Variants in STAG1 observed in about 807,000 individuals in gnomAD.
STAG1 encodes the protein cohesin subunit SA-1.
A neutral mutation model predicts 170.9 loss-of-function variants in STAG1; 26 were observed. The observed-to-expected ratio is 0.15, with a 90% CI of 0.11 to 0.21. The LOEUF (loss-of-function observed/expected upper bound fraction) is 0.21. STAG1 is among the 10% of genes least tolerant of loss of function. STAG1 has a pLI of 1.00. For missense variants in STAG1, 964 were observed against 1,509.5 expected, an observed-to-expected ratio of 0.64 and a Z score of 5.99; for synonymous variants, 514 against 497.7, an observed-to-expected ratio of 1.03 and a Z score of -0.44.
chr3:136,537,772 A>G (rs1935709467), intron 6 of STAG1, among the ~76,000 whole-genome samples: 1 of 152,134 alleles, frequency 6.6e-6, no homozygotes, highest in Admixed American at 6.6e-5. Context: ...CTGGGATTAT[A>G]GGTACGAGTC....
At chr3:136,356,440 G>A (rs142233737) in intron 28 of STAG1, among the ~76,000 whole-genome samples, 66 of 152,188 alleles carry the variant, frequency 4.3e-4, no homozygotes, top group African/African-American at 1.5e-3. Context: ...GAATGCAGTG[G>A]CATAATCATA....
At chr3:136,339,955 T>C (rs1215748654) in intron 32 of STAG1, among the ~76,000 whole-genome samples, 1 of 152,194 alleles carries the variant, frequency 6.6e-6, no homozygotes, top group Non-Finnish European at 1.5e-5. Flanking sequence ...ACAGTGACGC[T>C]GAAAGATCTG....
At chr3:136,405,791 CAAAAAAAAAAAA>C (rs34952291) in intron 21 of STAG1, among the ~76,000 whole-genome samples, 31 of 50,100 alleles carry the variant, frequency 6.2e-4, no homozygotes, top group South Asian at 2.3e-3. Context: ...ACTCTATCTC[CAAAAAAAAAAAA>C]AAAAAAAAAA....
At position 136,541,513 on chromosome 3, in the gene STAG1, A is replaced by G. The variant is rs116553777; in HGVS notation, c.471+606T>C. ...TGAAAATAAGAATACTTTCAAGTAGAGTATCCCAAATAGAAGCTTAACATT... is the reference window on the plus strand; with the variant it reads ...TGAAAATAAGAATACTTTCAAGTAGGGTATCCCAAATAGAAGCTTAACATT... On this transcript the variant is annotated intron_variant, in intron 6 of 33. Transcript: ENST00000383202. 4.3e-3 allele frequency among the ~76,000 whole-genome samples: 546 copies of G among 126,802 alleles called. 3 individuals carry two copies. The highest frequency in any genetic ancestry group is 0.013 in the African/African-American group (520 of 38,956). 83.2% of individuals were successfully genotyped at this position (126,802 alleles called of 152,430 possible).
At chr3:136,527,829 T>C (rs1017490131) in intron 6 of STAG1, among the ~76,000 whole-genome samples, 3 of 152,184 alleles carry the variant, frequency 2.0e-5, no homozygotes, top group African/African-American at 7.2e-5. Context: ...TGCAGGTCTG[T>C]TGGAGTTTGC....
chr3:136,586,740 A>G (rs768026409), intron 4 of STAG1: 36 of 412,720 alleles, frequency 8.7e-5, no homozygotes, highest in Non-Finnish European at 1.6e-4. Flanking sequence ...TAGTGTGACT[A>G]ATCTGTATGC....
intron 16 of STAG1, among the ~76,000 whole-genome samples, chr3:136,426,172 C>A (rs1259953781): frequency 6.6e-6 from 1 of 151,748 alleles, no homozygotes; most frequent in Admixed American, 6.6e-5. Flanking sequence ...CTTTGGGAGG[C>A]CGAGGCGGGC....
At chr3:136,464,821 T>C in intron 13 of STAG1, 60 bp downstream of exon 13, 3 of 1,430,986 alleles carry the variant, frequency 2.1e-6, no homozygotes, top group Non-Finnish European at 2.9e-6. Flanking sequence ...CTACAAACTC[T>C]AAAACAACAA....
At chr3:136,419,212 T>TA (rs1266513400) in intron 20 of STAG1, among the ~76,000 whole-genome samples, 1 of 147,084 alleles carries the variant, frequency 6.8e-6, no homozygotes, top group Non-Finnish European at 1.5e-5. Context: ...GACAGTTTTT[T>TA]AAAAAAATAA....
At chr3:136,724,158 A>AGG (rs200304710) in intron 1 of STAG1, among the ~76,000 whole-genome samples, 294 of 150,494 alleles carry the variant, frequency 2.0e-3, no homozygotes, top group African/African-American at 6.6e-3. Context: ...TGTGGAATAG[A>AGG]GGAGGGGAGA....
At chr3:136,702,164 T>C (rs971484431) in intron 1 of STAG1, among the ~76,000 whole-genome samples, 2 of 77,172 alleles carry the variant, frequency 2.6e-5, no homozygotes, top group Non-Finnish European at 4.8e-5. Flanking sequence ...ACAGAGAGAA[T>C]GAGAATGTGG....
intron 23 of STAG1, 77 bp from the exon 24 acceptor site, chr3:136,369,359 A>C (rs1173879012): frequency 5.7e-6 from 7 of 1,231,748 alleles, no homozygotes; most frequent in Non-Finnish European, 1.1e-6. Context: ...AAATGTATGA[A>C]ATTAAAACAT....
At chr3:136,461,010 G>A (rs1306894732) in intron 13 of STAG1, among the ~76,000 whole-genome samples, 1 of 152,038 alleles carries the variant, frequency 6.6e-6, no homozygotes, top group East Asian at 1.9e-4. Context: ...TTTATATCAG[G>A]GACACAAAGA....
At chr3:136,727,870 C>CA (rs1356144918) in intron 1 of STAG1, among the ~76,000 whole-genome samples, 1 of 151,982 alleles carries the variant, frequency 6.6e-6, no homozygotes, top group East Asian at 1.9e-4. Flanking sequence ...TAAAAATACC[C>CA]ACCATGGCCG....
At position 136,462,286 on chromosome 3, in the gene STAG1, C is replaced by T. The variant is rs760335797; in HGVS notation, c.1313+2595G>A. Among the ~76,000 whole-genome samples the T allele has an allele frequency of 8.0e-4, 122 of 152,146 alleles. 1 individual carries two copies. Among genetic ancestry groups the T allele is most frequent in the Non-Finnish European group, 2.2e-4 (15 of 68,012 alleles). On this transcript the variant is annotated intron_variant, in intron 13 of 33. Coordinates refer to ENST00000383202, the MANE Select transcript of STAG1 (RefSeq NM_005862.3). ...TATTCATAGTAGTGATACATGGAAT[C>T]AACCTAAGTGTTCACCAGCGTTTGA... is the stretch of plus-strand genomic sequence containing the variant.
At chr3:136,584,588 C>T (rs907182805) in intron 4 of STAG1, among the ~76,000 whole-genome samples, 1 of 152,096 alleles carries the variant, frequency 6.6e-6, no homozygotes, top group African/African-American at 2.4e-5. Context: ...GTTCTCTATC[C>T]TAATTTGAGC....
intron 9 of STAG1, among the ~76,000 whole-genome samples, chr3:136,484,080 G>T (rs369058923): frequency 2.3e-5 from 3 of 130,630 alleles, no homozygotes; most frequent in South Asian, 2.7e-4. Context: ...CTCTCAGCTC[G>T]TCAAAATCAT....
intron 3 of STAG1, among the ~76,000 whole-genome samples, chr3:136,621,732 G>A (rs1048405949): frequency 6.6e-6 from 1 of 151,780 alleles, no homozygotes; most frequent in African/African-American, 2.4e-5. Context: ...AAAAATTCTG[G>A]CAAACAAGAG....
intron 5 of STAG1, among the ~76,000 whole-genome samples, chr3:136,554,303 C>T (rs1308901876): frequency 6.6e-6 from 1 of 152,080 alleles, no homozygotes; most frequent in South Asian, 2.1e-4. Context: ...AATCTACAAC[C>T]ATGATGTGGG....
Sources: gnomAD v4.1 joint callset for allele counts (sites outside exome capture counted in the v4.1 genomes callset) on GRCh38, gnomAD v4.1.1 for gene constraint, MANE v1.5 for transcripts, NCBI Gene and HGNC (gene_info 2026-07-23, HGNC 2026-07-21) for gene names.